HERC3: variants seen among roughly 807,000 people sequenced by gnomAD.
HERC3 encodes the protein HECT and RLD domain containing E3 ubiquitin protein ligase 3.
In HERC3, 58 loss-of-function variants were observed where a neutral mutation model predicts 129.9. The observed-to-expected ratio is 0.45, with a 90% CI of 0.36 to 0.56. HERC3 has a LOEUF of 0.56. HERC3 is among the 20% of genes least tolerant of loss of function. The pLI is 0.00. For synonymous variants in HERC3, 430 were observed against 451.0 expected (o/e 0.95, Z 0.59); for missense variants, 835 against 1,244.2 (o/e 0.67, Z 4.95).
the HERC3 span, among the ~76,000 whole-genome samples, chr4:88,571,922 C>T: frequency 2.0e-5 from 3 of 152,124 alleles, no homozygotes; most frequent in South Asian, 2.1e-4. Flanking sequence ...GTCTTAATCC[C>T]GGTGCCTCAG....
At chr4:88,703,901 CT>C (rs1019758750) in intron 23 of HERC3, among the ~76,000 whole-genome samples, 196 bp from the exon 24 acceptor site, 73 of 152,220 alleles carry the variant, frequency 4.8e-4, no homozygotes, top group African/African-American at 1.6e-3. Context: ...ACCTGAGGCA[CT>C]TGGTGGAATG....
the HERC3 span, among the ~76,000 whole-genome samples, chr4:88,550,940 T>C: frequency 1.0e-4 from 15 of 150,628 alleles, no homozygotes; most frequent in East Asian, 2.9e-3. Flanking sequence ...AACAGAGATA[T>C]AGATCAATGG....
intron 5 of HERC3, 53 bp from the exon 6 acceptor site, chr4:88,652,816 G>C (rs900971189): frequency 6.5e-7 from 1 of 1,534,832 alleles, no homozygotes; most frequent in East Asian, 2.3e-5. Context: ...GATTATTTTT[G>C]TGTGTGGAGC....
In HERC3 at chr4:88,680,136, CA is replaced by C. The variant is rs1193518615; in HGVS notation, c.2243del (p.Lys748ArgfsTer8). 1 of 1,612,980 alleles carries C rather than the reference CA, an allele frequency of 6.2e-7. No homozygotes were observed. On this transcript the variant is annotated frameshift_variant, in exon 20 of 26. Transcript: ENST00000402738. LOFTEE classifies it high-confidence loss of function. ...GEEAVDAGGV[T>X]KEFFLLLLKE... ...GAAGCAGTGGATGCCGGTGGTGTTA[CA>C]AAGGAATTTTTTCTTTTGCTGTTAA... is the stretch of plus-strand genomic sequence containing the variant.
chr4:88,662,662 G>T lies in HERC3; in HGVS notation c.1271+107G>T. The T allele has an allele frequency of 2.5e-6, 3 of 1,176,576 alleles. No individual in the cohort carries two copies. In the East Asian group the frequency reaches 7.4e-5, roughly 29 times the overall value. 72.9% of individuals were successfully genotyped at this position (1,176,576 alleles called of 1,614,324 possible). On this transcript the variant is annotated intron_variant, in intron 11 of 25. Coordinates refer to ENST00000402738, the MANE Select transcript of HERC3 (RefSeq NM_014606.3). ...TATTGATACTGTGAATGTAAATGGG[G>T]TTTTACATTATAGGGAATCGTGGGT...
At chr4:88,613,659 C>G (rs1345298950) in intron 3 of HERC3, among the ~76,000 whole-genome samples, 1 of 152,166 alleles carries the variant, frequency 6.6e-6, no homozygotes, top group African/African-American at 2.4e-5. Context: ...GTAATGACTT[C>G]CTGTTATTGA....
chr4:88,665,008 T>C (rs1730893365), intron 12 of HERC3, among the ~76,000 whole-genome samples: 1 of 152,184 alleles, frequency 6.6e-6, no homozygotes, highest in Non-Finnish European at 1.5e-5. Flanking sequence ...TATTTCTCAG[T>C]CCTTTCTGCC....
intron 3 of HERC3, among the ~76,000 whole-genome samples, chr4:88,623,981 C>CT (rs1265702790): frequency 6.6e-6 from 1 of 152,118 alleles, no homozygotes; most frequent in Non-Finnish European, 1.5e-5. Context: ...GTTCCCCCTG[C>CT]TTTTTTGTCA....
At chr4:88,608,919 C>T (rs1027921107) in intron 3 of HERC3, among the ~76,000 whole-genome samples, 13 of 152,094 alleles carry the variant, frequency 8.5e-5, no homozygotes, top group African/African-American at 3.1e-4. Flanking sequence ...TTCTAGTCCT[C>T]CCATGGAGAC....
intron 23 of HERC3, chr4:88,692,909 ATGACTT>A: frequency 1.0e-6 from 1 of 985,394 alleles, no homozygotes; most frequent in Non-Finnish European, 1.2e-6. Context: ...AGGAAGAAAA[ATGACTT>A]TGAAGACTTT....
chr4:88,629,204 T>C (rs1726470274), intron 3 of HERC3, among the ~76,000 whole-genome samples: 1 of 152,196 alleles, frequency 6.6e-6, no homozygotes. Flanking sequence ...ATTACAAAAG[T>C]AATACATATG....
At chr4:88,580,386 G>A in the HERC3 span, among the ~76,000 whole-genome samples, 1 of 152,142 alleles carries the variant, frequency 6.6e-6, no homozygotes, top group East Asian at 1.9e-4. Flanking sequence ...TTAGCCAGGT[G>A]TGGTGGTGGG....
At chr4:88,602,716 G>C (rs139614096) in intron 2 of HERC3, among the ~76,000 whole-genome samples, 2,275 of 152,232 alleles carry the variant, frequency 0.015, 28 homozygotes, top group Admixed American at 0.031. Flanking sequence ...CTGGGCTTAA[G>C]CTGTCCTCTC....
At chr4:88,617,643 A>G (rs923587699) in intron 3 of HERC3, among the ~76,000 whole-genome samples, 2 of 152,170 alleles carry the variant, frequency 1.3e-5, no homozygotes, top group Non-Finnish European at 2.9e-5. Flanking sequence ...AGGCTGAGGC[A>G]GGTGGATCAT....
At chr4:88,595,151 A>G (rs1722223000) in intron 1 of HERC3, among the ~76,000 whole-genome samples, 1 of 151,688 alleles carries the variant, frequency 6.6e-6, no homozygotes, top group Admixed American at 6.6e-5. Flanking sequence ...GACAGTCTTC[A>G]TAACAGTTGT....
At chr4:88,544,221 CA>C in the HERC3 span, among the ~76,000 whole-genome samples, 1 of 152,080 alleles carries the variant, frequency 6.6e-6, no homozygotes, top group Non-Finnish European at 1.5e-5. Flanking sequence ...AACAAATTTA[CA>C]AGAAAAAACC....
Position 88,678,029 on chromosome 4 carries a change from C to T in HERC3, c.2091C>T (p.Ala697=), listed in dbSNP as rs759218860. Residue 697 remains alanine (A), a synonymous_variant, in exon 19 of 26, where the codon GCC becomes GCT. Transcript: ENST00000402738. ...FMLLTLEPLL[A]RSPFLVLHVR... ...TTCTCACCCTGGAGCCTCTGCTGGC[C>T]AGAAGCCCCTTCCTGGTCCTTCACG... The T allele has an allele frequency of 6.2e-7, 1 of 1,613,942 alleles. No individual in the cohort carries two copies. Among genetic ancestry groups the T allele is most frequent in the Non-Finnish European group, 8.5e-7 (1 of 1,179,996 alleles).
chr4:88,524,358 G>A, the HERC3 span, among the ~76,000 whole-genome samples: 9 of 152,206 alleles, frequency 5.9e-5, no homozygotes, highest in Non-Finnish European at 1.5e-5. Context: ...TTCTATAAAT[G>A]AGCTTGGAGG....
At chr4:88,557,495 T>C in the HERC3 span, among the ~76,000 whole-genome samples, 4 of 152,350 alleles carry the variant, frequency 2.6e-5, no homozygotes, top group Non-Finnish European at 5.9e-5. Context: ...TTGTTCTTTA[T>C]ATTGCTAGCA....
Sources: gnomAD v4.1 joint callset for allele counts (sites outside exome capture counted in the v4.1 genomes callset) on GRCh38, gnomAD v4.1.1 for gene constraint, MANE v1.5 for transcripts, NCBI Gene and HGNC (gene_info 2026-07-23, HGNC 2026-07-21) for gene names.